Variants in DIAPH1 observed in about 807,000 individuals in gnomAD.
DIAPH1 encodes the protein diaphanous related formin 1.
DIAPH1 carries 46 observed loss-of-function variants against 140.7 expected under a neutral mutation model. That is an observed-to-expected ratio of 0.33 (90% CI 0.26 to 0.42). DIAPH1 has a LOEUF of 0.42. DIAPH1 is among the 10% of genes least tolerant of loss of function. The pLI, the probability that DIAPH1 is intolerant of heterozygous loss-of-function variation, is 1.00. For synonymous variants in DIAPH1, 565 were observed against 551.6 expected (o/e 1.02, Z -0.34); for missense variants, 1,310 against 1,558.7 (o/e 0.84, Z 2.69).
chr5:141,596,603 TTA>T (rs2099899364), intron 1 of DIAPH1, among the ~76,000 whole-genome samples: 2 of 152,326 alleles, frequency 1.3e-5, no homozygotes, highest in African/African-American at 4.8e-5. Context: ...TTAATAATTT[TTA>T]TATTTCATTC....
At chr5:141,584,262 C>T (rs757860666) in intron 3 of DIAPH1, 37 bp from the exon 4 acceptor site, 2 of 1,256,332 alleles carry the variant, frequency 1.6e-6, no homozygotes, top group African/African-American at 1.5e-5. Flanking sequence ...AACAAAATTG[C>T]CTCAAATTCT....
intron 18 of DIAPH1, among the ~76,000 whole-genome samples, chr5:141,552,742 G>A (rs995172948): frequency 4.6e-5 from 7 of 152,158 alleles, no homozygotes; most frequent in African/African-American, 1.4e-4. Flanking sequence ...TTATAAAGGA[G>A]AGGAAATCTG....
chr5:141,618,932 C>T lies in DIAPH1; in HGVS notation c.-18G>A, dbSNP rs781205824. ...GGCTCCATGTCCCGGTTCACGCTGG[C>T]CGGCGACCCCGCGCCTACGCCGCTC... On this transcript the variant is annotated 5_prime_UTR_variant, in exon 1 of 28. Transcript: ENST00000389054. 1 of 1,420,634 alleles carries T rather than the reference C, an allele frequency of 7.0e-7. No individual in the cohort carries two copies. Among genetic ancestry groups the T allele is most frequent in the Non-Finnish European group, 9.4e-7 (1 of 1,064,154 alleles). The allele number at this position is 1,420,634 out of a possible 1,614,324, so 88.0% of individuals were successfully genotyped here. A position where few individuals can be genotyped will look rare whatever the true frequency, so the allele number is the denominator to read the frequency against.
chr5:141,592,080 TC>T (rs758715948), intron 1 of DIAPH1, among the ~76,000 whole-genome samples: 1,605 of 131,882 alleles, frequency 0.012, 21 homozygotes, highest in Middle Eastern at 0.035. Flanking sequence ...AGACTCTGTA[TC>T]AAAAAAAAAA....
intron 1 of DIAPH1, among the ~76,000 whole-genome samples, chr5:141,608,157 T>C (rs941910486): frequency 5.3e-5 from 8 of 152,302 alleles, no homozygotes; most frequent in African/African-American, 1.2e-4. Context: ...AAGGGGTTGA[T>C]AGCTGGGCCC....
At chr5:141,560,817 T>C (rs2099893416) in intron 18 of DIAPH1, 3 of 455,944 alleles carry the variant, frequency 6.6e-6, no homozygotes, top group South Asian at 1.5e-5. Context: ...AGAGAACAGA[T>C]GGAATAAACT....
At chr5:141,536,402 T>C (rs1596345513) in intron 18 of DIAPH1, among the ~76,000 whole-genome samples, 1 of 152,274 alleles carries the variant, frequency 6.6e-6, no homozygotes, top group East Asian at 1.9e-4. Flanking sequence ...ATTGAGTACC[T>C]ATATGTGCCA....
chr5:141,559,019 G>C (rs2099893101), intron 18 of DIAPH1, among the ~76,000 whole-genome samples: 1 of 151,900 alleles, frequency 6.6e-6, no homozygotes, highest in African/African-American at 2.4e-5. Flanking sequence ...TGAAAGATCA[G>C]AACACTTAAT....
rs1023909874 is a variant in DIAPH1, at chr5:141,565,966, G to A, written c.2482+5462C>T. 6.6e-6 allele frequency among the ~76,000 whole-genome samples: 1 copy of A among 152,196 alleles called. No homozygotes were observed. Among genetic ancestry groups the A allele is most frequent in the Non-Finnish European group, 1.5e-5 (1 of 68,032 alleles). ...GACAAAGACAGAAAAGGAATTAACC[G>A]GGATTGTGGTTTTGCCAATCGAGTA... On this transcript the variant is annotated intron_variant, in intron 18 of 27. Coordinates refer to ENST00000389054, the MANE Select transcript of DIAPH1 (RefSeq NM_005219.5). The surrounding 1 kb of genome is among the most constrained non-coding windows in gnomAD (Gnocchi z 4.3).
intron 1 of DIAPH1, among the ~76,000 whole-genome samples, chr5:141,616,446 G>C (rs1247730674): frequency 6.6e-6 from 1 of 152,112 alleles, no homozygotes; most frequent in Non-Finnish European, 1.5e-5. Flanking sequence ...GGTGGAGGCG[G>C]CGAAAGACCT....
In DIAPH1 at chr5:141,594,491, T is replaced by C. The variant is rs10059309; in HGVS notation, c.118-6241A>G. Among the ~76,000 whole-genome samples the C allele has an allele frequency of 2.5e-3, 376 of 152,220 alleles. 1 individual carries two copies. Among genetic ancestry groups the C allele is most frequent in the African/African-American group, 8.6e-3 (357 of 41,546 alleles). On this transcript the variant is annotated intron_variant, in intron 1 of 27. Coordinates refer to ENST00000389054, the MANE Select transcript of DIAPH1 (RefSeq NM_005219.5). ...GCGCGGTAGCTCACACCTGTAAACA[T>C]GGCACTCTGGGAGGCTGAGACGGGT...
In DIAPH1 at chr5:141,527,778, T is replaced by C. The variant is rs994428887; in HGVS notation, c.3149-81A>G. ...TAATCCCAGCCTCAACACCCCTTAGTTTCACCTTTCAGAGCATAGCTTCAG... is the reference window on the plus strand; with the variant it reads ...TAATCCCAGCCTCAACACCCCTTAGCTTCACCTTTCAGAGCATAGCTTCAG... On this transcript the variant is annotated intron_variant, in intron 23 of 27. Transcript: ENST00000389054. 8 of 1,457,664 alleles carry C rather than the reference T, an allele frequency of 5.5e-6. No individual in the cohort carries two copies. The Admixed American group carries it at 1.7e-4, about 31-fold the overall frequency. 90.3% of individuals were successfully genotyped at this position (1,457,664 alleles called of 1,614,324 possible). A position where few individuals can be genotyped will look rare whatever the true frequency, so the allele number is the denominator to read the frequency against.
chr5:141,599,585 G>T (rs1172746945), intron 1 of DIAPH1, among the ~76,000 whole-genome samples: 3 of 152,108 alleles, frequency 2.0e-5, no homozygotes, highest in African/African-American at 7.2e-5. Context: ...TGAGTAGCTG[G>T]GATTACAAGG....
rs1459245202 is a variant in DIAPH1 at position 141,516,332 on chromosome 5, A to C, written c.*519T>G. On this transcript the variant is annotated 3_prime_UTR_variant, in exon 28 of 28. Transcript: ENST00000389054. ...TAGGAGCAGCTCCCAGTGCCACACC[A>C]CTAATAATAAATAACCACAGCCAGG... The C allele has an allele frequency of 5.4e-6, 1 of 184,208 alleles. No individual in the cohort carries two copies. The highest frequency in any genetic ancestry group is 1.2e-5 in the Non-Finnish European group (1 of 85,822). 11.4% of individuals were successfully genotyped at this position (184,208 alleles called of 1,614,324 possible).
chr5:141,529,155 C>T lies in DIAPH1; in HGVS notation c.2778+17G>A. 1 of 1,610,340 alleles carries T rather than the reference C, an allele frequency of 6.2e-7. No individual in the cohort carries two copies. Among genetic ancestry groups the T allele is most frequent in the Non-Finnish European group, 8.5e-7 (1 of 1,176,550 alleles). On this transcript the variant is annotated intron_variant, in intron 21 of 27. Transcript: ENST00000389054. ...ACAGGAGGTGGAAAACCGCTTACTG[C>T]CACAGGCCTCACTCACCACCACGCC...
chr5:141,596,720 T>C (rs2099899380), intron 1 of DIAPH1, among the ~76,000 whole-genome samples: 1 of 152,222 alleles, frequency 6.6e-6, no homozygotes, highest in Non-Finnish European at 1.5e-5. Flanking sequence ...GGTGCTGTCC[T>C]ACAGCAAAGC....
intron 1 of DIAPH1, among the ~76,000 whole-genome samples, chr5:141,605,094 A>T (rs2099900731): frequency 6.6e-6 from 1 of 152,060 alleles, no homozygotes; most frequent in African/African-American, 2.4e-5. Context: ...TCTAACCATT[A>T]AAAAAAATTA....
At chr5:141,535,974 T>G (rs2099888946) in intron 18 of DIAPH1, 3 of 465,766 alleles carry the variant, frequency 6.4e-6, no homozygotes, top group Non-Finnish European at 1.3e-5. Flanking sequence ...AACAAAAAAG[T>G]TACATACAAA....
chr5:141,528,518 TCA>T lies in DIAPH1; in HGVS notation c.3081_3082del (p.Cys1027Ter). ...CTTGAGGACATCGGGATAGTCATTC[TCA>T]CACAACTCAGCCAAGAAGTGTAACA... On this transcript the variant is annotated stop_gained and frameshift_variant, in exon 23 of 28. Coordinates refer to ENST00000389054, the MANE Select transcript of DIAPH1 (RefSeq NM_005219.5). LOFTEE classifies it high-confidence loss of function. 1 of 1,614,246 alleles carries T rather than the reference TCA, an allele frequency of 6.2e-7. No individual in the cohort carries two copies. The highest frequency in any genetic ancestry group is 8.5e-7 in the Non-Finnish European group (1 of 1,180,046).
Sources: gnomAD v4.1 joint callset for allele counts (sites outside exome capture counted in the v4.1 genomes callset) on GRCh38, gnomAD v4.1.1 for gene constraint, Gnocchi (gnomAD v3.1) non-coding constraint, MANE v1.5 for transcripts, NCBI Gene and HGNC (gene_info 2026-07-23, HGNC 2026-07-21) for gene names.